DPP8: variants seen among roughly 807,000 people sequenced by gnomAD.
DPP8 encodes the protein dipeptidyl peptidase 8, also known as DPP VIII.
In DPP8, 31 loss-of-function variants were observed where a neutral mutation model predicts 107.5. The observed-to-expected ratio is 0.29, with a 90% CI of 0.22 to 0.39. The LOEUF is 0.39. DPP8 is among the 10% of genes least tolerant of loss of function. DPP8 has a pLI of 1.00. For missense variants in DPP8, 842 were observed against 1,076.1 expected (o/e 0.78, Z 3.04); for synonymous variants, 381 against 356.6 (o/e 1.07, Z -0.77).
chr15:65,494,668 T>C (rs1209741181), intron 5 of DPP8, among the ~76,000 whole-genome samples: 1 of 104,844 alleles, frequency 9.5e-6, no homozygotes, highest in African/African-American at 3.4e-5. Context: ...AAAAAGGGCA[T>C]GAAAAAATCG....
At chr15:65,480,704 G>T (rs1203471234) in intron 9 of DPP8, among the ~76,000 whole-genome samples, 1 of 152,192 alleles carries the variant, frequency 6.6e-6, no homozygotes, top group Non-Finnish European at 1.5e-5. Flanking sequence ...AGGTCAAGGT[G>T]AGAGGGCTGC....
At chr15:65,491,194 A>G (rs951353273) in intron 5 of DPP8, among the ~76,000 whole-genome samples, 7 of 150,782 alleles carry the variant, frequency 4.6e-5, no homozygotes, top group African/African-American at 1.5e-4. Flanking sequence ...ATTTTGTGTC[A>G]TGAGGAAATG....
chr15:65,469,653 C>CAA lies in DPP8; in HGVS notation c.1537-2432_1537-2431dup, dbSNP rs61311948. ...GGGCAACAAAAGCAAAACTCCGTCTCAAAAAAAAAAAAAAAAAAAAAAAAT... is the reference window on the plus strand; with the variant it reads ...GGGCAACAAAAGCAAAACTCCGTCTCAAAAAAAAAAAAAAAAAAAAAAAAAAT... On this transcript the variant is annotated intron_variant, in intron 12 of 19. Transcript: ENST00000300141. Among the ~76,000 whole-genome samples, 415 of 66,142 alleles carry CAA rather than the reference C, an allele frequency of 6.3e-3. 5 individuals are homozygous for CAA. The highest frequency in any genetic ancestry group is 0.019 in the African/African-American group (307 of 16,460). The allele number at this position is 66,142 out of a possible 152,430, so 43.4% of individuals were successfully genotyped here. A position where few individuals can be genotyped will look rare whatever the true frequency, so the allele number is the denominator to read the frequency against.
chr15:65,495,392 T>TG (rs2068480785), intron 5 of DPP8, among the ~76,000 whole-genome samples: 1 of 151,264 alleles, frequency 6.6e-6, no homozygotes. Context: ...TCACTTGAGG[T>TG]CAGGAGTTCA....
chr15:65,459,045 A>C (rs1175908790), intron 15 of DPP8: 4 of 148,622 alleles, frequency 2.7e-5, no homozygotes, highest in Non-Finnish European at 4.4e-5. Flanking sequence ...AACCTTAAAA[A>C]AAAAAAAGGC....
intron 3 of DPP8, among the ~76,000 whole-genome samples, chr15:65,502,364 A>G (rs1215958728): frequency 1.3e-5 from 2 of 151,336 alleles, no homozygotes; most frequent in African/African-American, 4.9e-5. Context: ...CTTAAAACAT[A>G]TTTGTTATAA....
In DPP8 at chr15:65,443,879, TTCCTGGTG is replaced by T. The variant is rs1567110196; in HGVS notation, c.*2997_*3004del. 1 of 152,210 alleles carries T rather than the reference TTCCTGGTG, an allele frequency of 6.6e-6. No individual in the cohort carries two copies. The highest frequency in any genetic ancestry group is 1.5e-5 in the Non-Finnish European group (1 of 68,024). The allele number at this position is 152,210 out of a possible 1,614,324, so 9.4% of individuals were successfully genotyped here. On this transcript the variant is annotated 3_prime_UTR_variant, in exon 20 of 20. Coordinates refer to ENST00000300141, the MANE Select transcript of DPP8 (RefSeq NM_130434.5). ...CTGGAAAGCTTGTTAGAAATGCACA[TTCCTGGTG>T]TCTACCCAAATCAATGGAATACAAA...
intron 1 of DPP8, chr15:65,516,993 A>C (rs1437886599): frequency 1.3e-5 from 2 of 152,648 alleles, no homozygotes; most frequent in East Asian, 3.8e-4. Context: ...AGAATGGGAG[A>C]GGGCAGTGAG....
chr15:65,493,952 C>A (rs1355051934), intron 5 of DPP8, among the ~76,000 whole-genome samples: 2 of 151,906 alleles, frequency 1.3e-5, no homozygotes, highest in African/African-American at 4.9e-5. Flanking sequence ...ACTTACACAA[C>A]AGTTACTATG....
Position 65,452,076 on chromosome 15 carries a change from A to G in DPP8, c.2298T>C (p.Thr766=), listed in dbSNP as rs769843864. Residue 766 remains threonine, a synonymous_variant, in exon 18 of 20, where the codon ACT becomes ACC. Coordinates refer to ENST00000300141, the MANE Select transcript of DPP8 (RefSeq NM_130434.5). ...ATCCTGTATCATAGAAGATCCACAG[A>G]GTGACTGGGGCCCCAGCAATAGCAA... ...FRVAIAGAPV[T]LWIFYDTGYT... is the part of the protein sequence containing the mutation. 1.2e-6 allele frequency: 2 copies of G among 1,608,742 alleles called. No individual in the cohort carries two copies. The highest frequency in any genetic ancestry group is 1.7e-6 in the Non-Finnish European group (2 of 1,178,076).
At chr15:65,487,917 A>C in intron 6 of DPP8, 99 bp from the exon 7 acceptor site, 1 of 807,916 alleles carries the variant, frequency 1.2e-6, no homozygotes, top group Non-Finnish European at 1.9e-6. Flanking sequence ...ATAGTGAAGA[A>C]TAACTTATGT....
intron 1 of DPP8, 84 bp from the exon 2 acceptor site, chr15:65,512,648 G>A (rs9635366): frequency 0.21 from 312,446 of 1,480,220 alleles, 39,765 homozygotes; most frequent in East Asian, 0.67. Context: ...AAAAAAAAGC[G>A]GGGGAGTGGG....
At chr15:65,506,197 C>T (rs543015425) in intron 3 of DPP8, among the ~76,000 whole-genome samples, 20 of 149,840 alleles carry the variant, frequency 1.3e-4, no homozygotes, top group Non-Finnish European at 2.7e-4. Context: ...GGCGTGGTGG[C>T]GCATGCCTGT....
chr15:65,451,931 A>T, intron 18 of DPP8, 29 bp downstream of exon 18: 4 of 530,168 alleles, frequency 7.5e-6, no homozygotes, highest in East Asian at 1.7e-4. Context: ...TCTCAATTTA[A>T]AAAAAAAAAA....
At chr15:65,465,304 A>T (rs1306512253) in intron 14 of DPP8, among the ~76,000 whole-genome samples, 1 of 150,346 alleles carries the variant, frequency 6.7e-6, no homozygotes, top group East Asian at 2.0e-4. Context: ...AGTAGCTGGG[A>T]GTACAGGTGC....
At chr15:65,478,148 T>C (rs1013367686) in intron 11 of DPP8, among the ~76,000 whole-genome samples, 1 of 152,210 alleles carries the variant, frequency 6.6e-6, no homozygotes, top group Non-Finnish European at 1.5e-5. Flanking sequence ...CATAATTATA[T>C]CAATCCAAAG....
intron 5 of DPP8, among the ~76,000 whole-genome samples, chr15:65,493,674 T>A (rs187264331): frequency 6.6e-6 from 1 of 152,182 alleles, no homozygotes; most frequent in Non-Finnish European, 1.5e-5. Context: ...TAACCCCCAT[T>A]TGTATCTTCC....
chr15:65,460,648 T>C (rs1319416019), intron 15 of DPP8, among the ~76,000 whole-genome samples: 1 of 152,244 alleles, frequency 6.6e-6, no homozygotes, highest in Non-Finnish European at 1.5e-5. Context: ...TGTTATACTA[T>C]ATGTCAGAAC....
chr15:65,512,257 A>G (rs756883193), intron 2 of DPP8, 38 bp downstream of exon 2: 130 of 1,566,206 alleles, frequency 8.3e-5, no homozygotes, highest in Non-Finnish European at 1.1e-4. Context: ...TTGACTTAAG[A>G]GATCATTTTC....
Sources: gnomAD v4.1 joint callset for allele counts (sites outside exome capture counted in the v4.1 genomes callset) on GRCh38, gnomAD v4.1.1 for gene constraint, MANE v1.5 for transcripts, NCBI Gene and HGNC (gene_info 2026-07-23, HGNC 2026-07-21) for gene names.